Variants in EHMT1 observed in about 807,000 individuals in gnomAD.
EHMT1 encodes histone-lysine N-methyltransferase EHMT1.
EHMT1 carries 15 observed loss-of-function variants against 147.2 expected under a neutral mutation model. The ratio of observed to expected loss-of-function variants is 0.10; its 90% CI spans 0.07 to 0.16. The LOEUF is 0.16. EHMT1 is among the 10% of genes least tolerant of loss of function. The pLI, the probability that EHMT1 is intolerant of heterozygous loss-of-function variation, is 1.00. For missense variants in EHMT1, 1,587 were observed against 1,772.4 expected (o/e 0.90, Z 1.88); for synonymous variants, 795 against 709.6 (o/e 1.12, Z -1.91).
intron 1 of EHMT1, among the ~76,000 whole-genome samples, chr9:137,620,758 A>G (rs1842903959): frequency 6.6e-6 from 1 of 152,228 alleles, no homozygotes. Flanking sequence ...TAGGACCAGC[A>G]CTAGTACAGT....
Position 137,634,432 on chromosome 9 carries a change from T to C in EHMT1, c.21+15383T>C, listed in dbSNP as rs1445917225. Among the ~76,000 whole-genome samples, 4 of 152,230 alleles carry C rather than the reference T, an allele frequency of 2.6e-5. 1 individual carries two copies. The East Asian group carries it at 7.7e-4, about 29-fold the overall frequency. ...CATTGAATTGCCTGGCCATCGTTTT[T>C]GAAAATCAGTTGAACATAAATGTGA... is the stretch of plus-strand genomic sequence containing the variant. On this transcript the variant is annotated intron_variant, in intron 1 of 26. Transcript: ENST00000460843.
chr9:137,811,190 T>C (rs1170537342), intron 18 of EHMT1, among the ~76,000 whole-genome samples: 1 of 152,216 alleles, frequency 6.6e-6, no homozygotes, highest in Admixed American at 6.5e-5. Context: ...TCCCTATTTT[T>C]ATTCTTTACT....
intron 1 of EHMT1, among the ~76,000 whole-genome samples, chr9:137,623,929 G>T (rs976920875): frequency 6.6e-5 from 10 of 151,894 alleles, no homozygotes; most frequent in African/African-American, 9.7e-5. Flanking sequence ...TAATCTTCCT[G>T]CCTCAGTGCC....
intron 18 of EHMT1, among the ~76,000 whole-genome samples, chr9:137,808,175 G>GCC (rs937057406): frequency 6.6e-6 from 1 of 152,154 alleles, no homozygotes; most frequent in Non-Finnish European, 1.5e-5. Flanking sequence ...GTGGGGAAAG[G>GCC]CCCCGGCTTT....
intron 3 of EHMT1, among the ~76,000 whole-genome samples, chr9:137,719,187 C>G (rs1034678401): frequency 1.3e-5 from 2 of 152,102 alleles, no homozygotes; most frequent in Non-Finnish European, 2.9e-5. Context: ...GACTTGACAC[C>G]TCCTGTTTGT....
intron 15 of EHMT1, chr9:137,784,093 T>G (rs1217710690): frequency 7.9e-7 from 1 of 1,271,352 alleles, no homozygotes; most frequent in Non-Finnish European, 1.1e-6. Flanking sequence ...GAAAAGAAAT[T>G]TATTTCTCAC....
intron 4 of EHMT1, among the ~76,000 whole-genome samples, chr9:137,733,596 GT>G (rs1947296554): frequency 6.6e-6 from 1 of 152,202 alleles, no homozygotes; most frequent in African/African-American, 2.4e-5. Context: ...GGTGTGCGGT[GT>G]TCCTGGAACA....
chr9:137,714,146 GGCCCTACTTCGAATC>G (rs1333548936), intron 2 of EHMT1, among the ~76,000 whole-genome samples: 1 of 152,000 alleles, frequency 6.6e-6, no homozygotes, highest in Admixed American at 6.5e-5. Context: ...TCTTCCTTAT[GGCCCTACTTCGAATC>G]TCTAGTACAG....
At chr9:137,643,693 C>T (rs965912169) in intron 1 of EHMT1, among the ~76,000 whole-genome samples, 3 of 152,158 alleles carry the variant, frequency 2.0e-5, no homozygotes, top group African/African-American at 7.2e-5. Context: ...TGGCTGCACT[C>T]CATGGTTTCT....
intron 1 of EHMT1, chr9:137,638,505 A>G (rs1467402992): frequency 6.6e-6 from 1 of 152,200 alleles, no homozygotes; most frequent in Non-Finnish European, 1.5e-5. Context: ...TTGGCCTCCC[A>G]AAGTGTTGGG....
chr9:137,658,958 C>G (rs1486413002), intron 1 of EHMT1, among the ~76,000 whole-genome samples: 1 of 152,156 alleles, frequency 6.6e-6, no homozygotes. Context: ...TTCTCTTGGG[C>G]TGGAGTGGAA....
chr9:137,802,365 A>AATGGGAGGT, intron 18 of EHMT1: 1 of 398,602 alleles, frequency 2.5e-6, no homozygotes, highest in East Asian at 3.6e-5. Flanking sequence ...AGAGGCCAGA[A>AATGGGAGGT]ATGGGAGGTG....
At chr9:137,667,836 A>G (rs950977091) in intron 1 of EHMT1, among the ~76,000 whole-genome samples, 1 of 152,116 alleles carries the variant, frequency 6.6e-6, no homozygotes, top group African/African-American at 2.4e-5. Context: ...TTGACATCTG[A>G]AATCTTATAG....
intron 1 of EHMT1, among the ~76,000 whole-genome samples, chr9:137,695,466 G>A (rs1054745519): frequency 1.3e-5 from 2 of 152,246 alleles, no homozygotes; most frequent in Non-Finnish European, 2.9e-5. Flanking sequence ...GCACTGCCCT[G>A]AAACTCGGTG....
chr9:137,817,995 C>G, intron 24 of EHMT1, 65 bp from the exon 25 acceptor site: 1 of 1,490,340 alleles, frequency 6.7e-7, no homozygotes, highest in Non-Finnish European at 9.4e-7. Flanking sequence ...GGAGTCTGGG[C>G]TGTGCTTGTC....
At chr9:137,625,493 A>G (rs955289809) in intron 1 of EHMT1, among the ~76,000 whole-genome samples, 16 of 151,890 alleles carry the variant, frequency 1.1e-4, no homozygotes, top group Non-Finnish European at 1.9e-4. Context: ...ACGTGCTACC[A>G]TGCCTGGCTA....
At chr9:137,743,212 C>G in intron 4 of EHMT1, 159 bp from the exon 5 acceptor site, 1 of 755,188 alleles carries the variant, frequency 1.3e-6, no homozygotes, top group Non-Finnish European at 2.1e-6. Context: ...GGATGCCTGT[C>G]ACTGTGCTGA....
intron 16 of EHMT1, among the ~76,000 whole-genome samples, chr9:137,795,963 C>A (rs1400399677): frequency 6.6e-6 from 1 of 152,140 alleles, no homozygotes; most frequent in Non-Finnish European, 1.5e-5. Flanking sequence ...GCAGATGGGA[C>A]AAATAGAAAA....
intron 1 of EHMT1, among the ~76,000 whole-genome samples, chr9:137,670,910 T>G (rs1940531643): frequency 6.6e-6 from 1 of 152,172 alleles, no homozygotes; most frequent in Non-Finnish European, 1.5e-5. Context: ...CTTTTCTCTT[T>G]CTTGCTGCCC....
Sources: allele counts gnomAD v4.1 joint callset (sites outside exome capture counted in the v4.1 genomes callset), GRCh38; gene constraint gnomAD v4.1.1; transcripts MANE v1.5; gene names NCBI Gene and HGNC (gene_info 2026-07-23, HGNC 2026-07-21).